Variants in PTPRK observed in about 807,000 individuals in gnomAD.
PTPRK encodes protein tyrosine phosphatase receptor type K.
A neutral mutation model predicts 178.0 loss-of-function variants in PTPRK; 75 were observed. The ratio of observed to expected loss-of-function variants is 0.42; its 90% CI spans 0.35 to 0.51. PTPRK has a LOEUF of 0.51. Among genes scored for constraint, PTPRK ranks in the 20% least tolerant of loss-of-function variants. The probability of loss-of-function intolerance (pLI) is 0.02; values close to 1 mark genes in which losing one functional copy is unlikely to be tolerated. For missense variants in PTPRK, 1,441 were observed against 1,797.8 expected (o/e 0.80, Z 3.59); for synonymous variants, 637 against 620.6 (o/e 1.03, Z -0.39).
At chr6:128,114,388 T>TG (rs1185106279) in intron 7 of PTPRK, among the ~76,000 whole-genome samples, 4 of 151,214 alleles carry the variant, frequency 2.6e-5, no homozygotes, top group African/African-American at 9.7e-5. Flanking sequence ...GAGGCGGAGG[T>TG]GGGCGGATCA....
chr6:128,226,761 C>CATATATATAT (rs71028117), intron 5 of PTPRK, among the ~76,000 whole-genome samples: 1,585 of 109,348 alleles, frequency 0.014, 37 homozygotes, highest in Non-Finnish European at 0.018. Context: ...ATTATATAGA[C>CATATATATAT]ATATATATAT....
chr6:128,179,181 A>G (rs372355925), intron 7 of PTPRK, among the ~76,000 whole-genome samples: 6 of 151,998 alleles, frequency 3.9e-5, no homozygotes, highest in African/African-American at 1.4e-4. Context: ...TATTCTGTTT[A>G]TAGGTCTGGT....
intron 11 of PTPRK, among the ~76,000 whole-genome samples, chr6:128,068,837 A>C (rs1437783869): frequency 6.6e-6 from 1 of 151,854 alleles, no homozygotes; most frequent in East Asian, 1.9e-4. Context: ...CATAAATTGT[A>C]TGCAGGGCTG....
chr6:128,013,382 G>C (rs1779257254), intron 13 of PTPRK, among the ~76,000 whole-genome samples: 1 of 151,212 alleles, frequency 6.6e-6, no homozygotes, highest in Admixed American at 6.6e-5. Context: ...ATATATCTCT[G>C]ACCAAAAGTT....
chr6:128,308,885 A>G (rs1047661197), intron 3 of PTPRK, among the ~76,000 whole-genome samples: 1 of 152,174 alleles, frequency 6.6e-6, no homozygotes. Flanking sequence ...GCAAAGAGAC[A>G]GGTAGGCATC....
intron 5 of PTPRK, among the ~76,000 whole-genome samples, chr6:128,236,223 T>C (rs1813234124): frequency 1.3e-5 from 2 of 152,048 alleles, no homozygotes; most frequent in South Asian, 2.1e-4. Context: ...TGGAAAAAAT[T>C]TACAAATCAT....
chr6:128,051,347 T>C (rs1259804512), intron 13 of PTPRK, among the ~76,000 whole-genome samples: 1 of 152,086 alleles, frequency 6.6e-6, no homozygotes, highest in African/African-American at 2.4e-5. Context: ...GAAAAGAAAG[T>C]CTCCCCAACC....
intron 7 of PTPRK, among the ~76,000 whole-genome samples, chr6:128,133,175 A>AT (rs958479544): frequency 3.9e-5 from 6 of 152,272 alleles, no homozygotes; most frequent in Admixed American, 6.5e-5. Flanking sequence ...TTATAGTTTG[A>AT]TTTTTTCTTG....
At chr6:128,516,591 A>G (rs1296088779) in intron 1 of PTPRK, among the ~76,000 whole-genome samples, 1 of 152,202 alleles carries the variant, frequency 6.6e-6, no homozygotes. Flanking sequence ...AATCTCACCT[A>G]AAGAGACAAC....
At chr6:128,239,161 C>G (rs2128282878) in intron 5 of PTPRK, among the ~76,000 whole-genome samples, 1 of 119,266 alleles carries the variant, frequency 8.4e-6, no homozygotes, top group South Asian at 2.6e-4. Flanking sequence ...TATTGGCATT[C>G]TCATGAATTT....
intron 21 of PTPRK, among the ~76,000 whole-genome samples, chr6:127,989,315 T>G (rs1224133519): frequency 1.3e-5 from 2 of 152,116 alleles, no homozygotes; most frequent in Admixed American, 6.6e-5. Context: ...CTACTTGATT[T>G]GTCTAAGAAA....
rs528393610 is a variant in PTPRK at position 128,114,873 on chromosome 6, G to T, written c.1163-24881C>A. The stretch of plus-strand genomic sequence containing the variant: ...AAGGCATGCCAGGAGCAAAAAGAAA[G>T]GCAGGTATAAGTGGCATTTATGTCA... On this transcript the variant is annotated intron_variant, in intron 7 of 29. Transcript: ENST00000368226. Among the ~76,000 whole-genome samples, 32 of 152,032 alleles carry T rather than the reference G, an allele frequency of 2.1e-4. 1 individual carries two copies. The highest frequency in any genetic ancestry group is 7.5e-4 in the African/African-American group (31 of 41,514).
intron 13 of PTPRK, among the ~76,000 whole-genome samples, chr6:128,011,816 T>C (rs1779094977): frequency 6.6e-6 from 1 of 150,838 alleles, no homozygotes; most frequent in African/African-American, 2.4e-5. Flanking sequence ...TTAACATAGA[T>C]AGAAACTAAA....
intron 11 of PTPRK, among the ~76,000 whole-genome samples, chr6:128,078,503 T>C (rs1229356112): frequency 1.3e-5 from 2 of 151,930 alleles, no homozygotes; most frequent in Non-Finnish European, 2.9e-5. Flanking sequence ...TACCCGTGTT[T>C]CAATTACCCA....
chr6:128,231,523 G>A (rs1458190866), intron 5 of PTPRK, among the ~76,000 whole-genome samples: 1 of 152,206 alleles, frequency 6.6e-6, no homozygotes, highest in Non-Finnish European at 1.5e-5. Context: ...AGAAGTTACA[G>A]AAGCAGCCAA....
At chr6:128,460,152 G>A (rs1163846709) in intron 1 of PTPRK, among the ~76,000 whole-genome samples, 1 of 152,062 alleles carries the variant, frequency 6.6e-6, no homozygotes, top group Non-Finnish European at 1.5e-5. Flanking sequence ...ATTTGGGTGG[G>A]GACACCGATC....
intron 11 of PTPRK, among the ~76,000 whole-genome samples, chr6:128,075,426 C>T (rs1783622829): frequency 6.6e-6 from 1 of 152,052 alleles, no homozygotes; most frequent in Non-Finnish European, 1.5e-5. Context: ...ACAGACCCTT[C>T]ACTCTCCATG....
At chr6:128,158,818 A>C (rs1042529467) in intron 7 of PTPRK, among the ~76,000 whole-genome samples, 1 of 151,942 alleles carries the variant, frequency 6.6e-6, no homozygotes, top group African/African-American at 2.4e-5. Context: ...AGCTTTTTAA[A>C]AAATCTTCAT....
At chr6:128,488,330 G>A (rs189267321) in intron 1 of PTPRK, among the ~76,000 whole-genome samples, 72 of 152,308 alleles carry the variant, frequency 4.7e-4, no homozygotes, top group African/African-American at 1.7e-3. Flanking sequence ...CCCAGACATA[G>A]GGTCTGCCTC....
Sources: allele counts gnomAD v4.1 joint callset (sites outside exome capture counted in the v4.1 genomes callset), GRCh38; gene constraint gnomAD v4.1.1; transcripts MANE v1.5; gene names NCBI Gene and HGNC (gene_info 2026-07-23, HGNC 2026-07-21).